The following PCDHA4 variants were observed in gnomAD, a reference collection of about 807,000 sequenced individuals.
PCDHA4 encodes protocadherin alpha-4.
PCDHA4 carries 49 observed loss-of-function variants against 61.4 expected under a neutral mutation model. That is an observed-to-expected ratio of 0.80 (90% CI 0.63 to 1.01). The LOEUF (loss-of-function observed/expected upper bound fraction) is 1.01, where lower values mean the gene tolerates loss of function less well. Among genes scored for constraint, PCDHA4 ranks in the 50% least tolerant of loss-of-function variants. The pLI is 0.00. For missense variants in PCDHA4, 1,254 were observed against 1,235.8 expected (o/e 1.01, Z -0.22); for synonymous variants, 590 against 550.3 (o/e 1.07, Z -1.01).
intron 3 of PCDHA4, among the ~76,000 whole-genome samples, chr5:140,985,795 A>G (rs2097171299): frequency 7.3e-6 from 1 of 136,386 alleles, no homozygotes; most frequent in African/African-American, 2.8e-5. Context: ...GCTGGAGTGC[A>G]GTGGCACGAT....
intron 1 of PCDHA4, chr5:140,857,401 G>C: frequency 1.9e-6 from 3 of 1,598,170 alleles, no homozygotes; most frequent in Non-Finnish European, 2.6e-6. Flanking sequence ...ACGACAACGC[G>C]CCTGCGTTCG....
intron 3 of PCDHA4, among the ~76,000 whole-genome samples, chr5:141,005,512 G>C (rs1015892170): frequency 6.6e-6 from 1 of 151,536 alleles, no homozygotes; most frequent in Non-Finnish European, 1.5e-5. Flanking sequence ...GACCATCCTG[G>C]CTAACACGGT....
chr5:140,822,395 A>G (rs2150116000), intron 1 of PCDHA4: 1 of 1,614,144 alleles, frequency 6.2e-7, no homozygotes, highest in South Asian at 1.1e-5. Flanking sequence ...ACACAAGAAC[A>G]CCGTTTATTA....
chr5:140,839,950 C>T (rs1554137654), intron 1 of PCDHA4, among the ~76,000 whole-genome samples: 2 of 152,022 alleles, frequency 1.3e-5, no homozygotes, highest in Non-Finnish European at 2.9e-5. Context: ...AAGGAGACAA[C>T]ATATTTTCTG....
intron 1 of PCDHA4, chr5:140,968,861 C>T (rs139036960): frequency 5.6e-5 from 90 of 1,614,182 alleles, no homozygotes; most frequent in Admixed American, 2.8e-4. Flanking sequence ...TAAGAGCCCT[C>T]GGACATACTC....
At chr5:140,834,262 C>G in intron 1 of PCDHA4, 2 of 985,852 alleles carry the variant, frequency 2.0e-6, no homozygotes, top group Admixed American at 2.4e-5. Flanking sequence ...ACGCTCCACT[C>G]TCTTTCACTC....
At chr5:140,877,487 A>G in intron 1 of PCDHA4, 1 of 1,613,822 alleles carries the variant, frequency 6.2e-7, no homozygotes, top group Non-Finnish European at 8.5e-7. Context: ...CTGGTGGAGA[A>G]CGGCCAGGCC....
At chr5:140,846,500 A>G (rs1234725783) in intron 1 of PCDHA4, among the ~76,000 whole-genome samples, 2 of 143,700 alleles carry the variant, frequency 1.4e-5, no homozygotes, top group African/African-American at 2.6e-5. Flanking sequence ...TCAGCCTCCC[A>G]AGTAGCTGGG....
At chr5:140,842,787 T>C (rs1554139371) in intron 1 of PCDHA4, 1 of 1,594,358 alleles carries the variant, frequency 6.3e-7, no homozygotes, top group Non-Finnish European at 8.6e-7. Context: ...GAGAACGCGC[T>C]GGTGTCCTAC....
chr5:140,876,481 C>T (rs1442284424), intron 1 of PCDHA4: 9 of 1,613,878 alleles, frequency 5.6e-6, no homozygotes, highest in Admixed American at 1.7e-5. Flanking sequence ...CAGCATGGTC[C>T]TGGTGGAAGT....
chr5:140,984,682 A>G (rs2097114582), intron 3 of PCDHA4, among the ~76,000 whole-genome samples: 2 of 152,136 alleles, frequency 1.3e-5, no homozygotes, highest in Non-Finnish European at 2.9e-5. Context: ...AGGACTCAAT[A>G]TATGTTCTGC....
At chr5:140,841,784 G>C in intron 1 of PCDHA4, 4 of 1,613,930 alleles carry the variant, frequency 2.5e-6, no homozygotes, top group African/African-American at 1.3e-5. Flanking sequence ...GTTTCCGCTA[G>C]AGGGCGCGTC....
rs200436467 is a variant in PCDHA4 at position 140,883,790 on chromosome 5, G to A, written c.2385+74218G>A. 640 of 1,612,406 alleles carry A rather than the reference G, an allele frequency of 4.0e-4. No individual in the cohort carries two copies. The highest frequency in any genetic ancestry group is 5.2e-4 in the Non-Finnish European group (616 of 1,179,760). ...GGGCGAGCGTGCGCTGTCGAGCTAC[G>A]TGTCGGTGCACGCGGAGAGCGGCAA... is the stretch of plus-strand genomic sequence containing the variant. On this transcript the variant is annotated intron_variant, in intron 1 of 3. Transcript: ENST00000530339.
intron 1 of PCDHA4, chr5:140,858,085 G>T: frequency 6.3e-7 from 1 of 1,597,828 alleles, no homozygotes; most frequent in South Asian, 1.1e-5. Context: ...AGGCCTCGTC[G>T]CGGGCTTCAG....
At chr5:140,853,303 A>G in intron 1 of PCDHA4, 1 of 982,870 alleles carries the variant, frequency 1.0e-6, no homozygotes, top group Non-Finnish European at 1.2e-6. Flanking sequence ...AAGGGCTGTG[A>G]ACACCTTAGT....
intron 1 of PCDHA4, among the ~76,000 whole-genome samples, chr5:140,923,395 G>A (rs782033907): frequency 6.6e-6 from 1 of 152,240 alleles, no homozygotes; most frequent in South Asian, 2.1e-4. Flanking sequence ...GGGCATGGTG[G>A]TGTGTGCCTA....
chr5:140,879,539 A>G (rs1554170849), intron 1 of PCDHA4, among the ~76,000 whole-genome samples: 1 of 152,238 alleles, frequency 6.6e-6, no homozygotes, highest in Non-Finnish European at 1.5e-5. Flanking sequence ...CAACTCCTTT[A>G]GAGAAAAAAA....
At chr5:140,956,331 C>T (rs1554222358) in intron 1 of PCDHA4, among the ~76,000 whole-genome samples, 1 of 152,064 alleles carries the variant, frequency 6.6e-6, no homozygotes, top group Non-Finnish European at 1.5e-5. Flanking sequence ...TCCTTCAATA[C>T]CTAGTTTATT....
In PCDHA4 at chr5:140,891,714, A is replaced by T. The variant is rs147881763; in HGVS notation, c.2385+82142A>T. On this transcript the variant is annotated intron_variant, in intron 1 of 3. Transcript: ENST00000530339. ...GCTGTTGTCTGAATTTGTACCCCCA[A>T]ATTCATGTGTTGAAAATTCAATCCC... Among the ~76,000 whole-genome samples the T allele has an allele frequency of 2.6e-5, 4 of 152,262 alleles. No individual in the cohort carries two copies. In the East Asian group the frequency reaches 5.8e-4, roughly 22 times the overall value.
Sources: gnomAD v4.1 joint callset for allele counts (sites outside exome capture counted in the v4.1 genomes callset) on GRCh38, gnomAD v4.1.1 for gene constraint, MANE v1.5 for transcripts, NCBI Gene and HGNC (gene_info 2026-07-23, HGNC 2026-07-21) for gene names.